Variants in SERGEF observed in about 807,000 individuals in gnomAD.
SERGEF encodes secretion-regulating guanine nucleotide exchange factor.
A neutral mutation model predicts 50.0 loss-of-function variants in SERGEF; 51 were observed. The ratio of observed to expected loss-of-function variants is 1.02; its 90% CI spans 0.81 to 1.29. The LOEUF (loss-of-function observed/expected upper bound fraction) is 1.29. SERGEF is among the 50% of genes most tolerant of loss of function. The pLI is 0.00. For missense variants in SERGEF, 521 were observed against 557.0 expected (o/e 0.94, Z 0.65); for synonymous variants, 205 against 212.4 (o/e 0.97, Z 0.30).
At chr11:17,870,034 C>T (rs959863046) in intron 10 of SERGEF, among the ~76,000 whole-genome samples, 9 of 152,166 alleles carry the variant, frequency 5.9e-5, no homozygotes, top group South Asian at 4.1e-4. Flanking sequence ...TTCCCCCATG[C>T]TGTTCTTGTG....
chr11:17,846,241 C>A (rs1187731930), intron 10 of SERGEF, among the ~76,000 whole-genome samples: 1 of 152,204 alleles, frequency 6.6e-6, no homozygotes, highest in Non-Finnish European at 1.5e-5. Context: ...TTACTGCATT[C>A]TGTTAACAAG....
intron 8 of SERGEF, 124 bp from the exon 9 acceptor site, chr11:17,959,760 T>C: frequency 1.2e-6 from 1 of 813,450 alleles, no homozygotes; most frequent in Non-Finnish European, 1.9e-6. Flanking sequence ...CCTTCCTATC[T>C]TCCTGTAAAG....
intron 10 of SERGEF, among the ~76,000 whole-genome samples, chr11:17,794,410 C>T (rs1459508226): frequency 1.3e-5 from 2 of 152,162 alleles, no homozygotes; most frequent in Admixed American, 1.3e-4. Flanking sequence ...TTAATTTCCA[C>T]GGCAACCCTC....
chr11:17,932,661 A>T (rs529231874), intron 9 of SERGEF, among the ~76,000 whole-genome samples: 13 of 152,256 alleles, frequency 8.5e-5, no homozygotes, highest in Non-Finnish European at 1.5e-4. Flanking sequence ...AGCCTCTGCC[A>T]CCAGGTGGTG....
intron 10 of SERGEF, among the ~76,000 whole-genome samples, chr11:17,819,810 G>A (rs1391389322): frequency 6.6e-6 from 1 of 152,202 alleles, no homozygotes; most frequent in African/African-American, 2.4e-5. Flanking sequence ...AAAACTCTAC[G>A]ATGGTAAAGC....
chr11:18,010,060 T>C lies in SERGEF; in HGVS notation c.61-1984A>G, dbSNP rs190062272. On this transcript the variant is annotated intron_variant, in intron 1 of 10. Coordinates refer to ENST00000265965, the MANE Select transcript of SERGEF (RefSeq NM_012139.4). ...TAAGATTTCAGAAATCTTTATAATT[T>C]ATTCAAGTACCTACTCCTAGCTGGT... 4.4e-5 allele frequency: 48 copies of C among 1,093,412 alleles called. No individual in the cohort carries two copies. The Middle Eastern group carries it at 1.9e-3, about 43-fold the overall frequency. The allele number at this position is 1,093,412 out of a possible 1,614,324, so 67.7% of individuals were successfully genotyped here. A position where few individuals can be genotyped will look rare whatever the true frequency, so the allele number is the denominator to read the frequency against.
chr11:17,995,748 A>G, intron 6 of SERGEF, 48 bp downstream of exon 6: 2 of 1,287,106 alleles, frequency 1.6e-6, no homozygotes, highest in Non-Finnish European at 2.2e-6. Flanking sequence ...TTATGTCTCT[A>G]CTTCCTGACA....
At chr11:17,902,621 C>A (rs1487513625) in intron 9 of SERGEF, among the ~76,000 whole-genome samples, 1 of 152,180 alleles carries the variant, frequency 6.6e-6, no homozygotes, top group Non-Finnish European at 1.5e-5. Flanking sequence ...AGCACATGTA[C>A]AAAGAACATA....
At chr11:17,993,569 T>A (rs1373602573) in intron 6 of SERGEF, among the ~76,000 whole-genome samples, 3 of 152,200 alleles carry the variant, frequency 2.0e-5, no homozygotes, top group African/African-American at 4.8e-5. Context: ...TTTTCCTTCC[T>A]TAATTACACT....
chr11:17,871,305 CA>C (rs1201853143), intron 10 of SERGEF, among the ~76,000 whole-genome samples: 2 of 151,674 alleles, frequency 1.3e-5, no homozygotes, highest in Non-Finnish European at 2.9e-5. Context: ...CTAAAAAATA[CA>C]AAAAATTAGC....
chr11:17,893,341 A>C (rs564289946), intron 9 of SERGEF, among the ~76,000 whole-genome samples: 2 of 152,318 alleles, frequency 1.3e-5, no homozygotes, highest in East Asian at 3.9e-4. Context: ...TTGCTTCTTC[A>C]TTGTAAAATG....
intron 6 of SERGEF, 88 bp from the exon 7 acceptor site, chr11:17,993,081 G>A (rs545049472): frequency 6.9e-5 from 75 of 1,080,924 alleles, no homozygotes; most frequent in South Asian, 5.0e-4. Context: ...CCACCTGGGC[G>A]TGGGAGAGAC....
chr11:17,892,560 C>T (rs1013729255), intron 9 of SERGEF, among the ~76,000 whole-genome samples: 2 of 152,122 alleles, frequency 1.3e-5, no homozygotes, highest in Admixed American at 6.5e-5. Context: ...AACTGTTTCT[C>T]GTAGTAGAAC....
chr11:17,924,918 ACAGGCC>A (rs1852222420), intron 9 of SERGEF, among the ~76,000 whole-genome samples: 1 of 152,154 alleles, frequency 6.6e-6, no homozygotes, highest in Non-Finnish European at 1.5e-5. Flanking sequence ...GACCGCATGA[ACAGGCC>A]CAGAGGTCAC....
intron 9 of SERGEF, among the ~76,000 whole-genome samples, chr11:17,920,755 G>C (rs556910749): frequency 1.3e-5 from 2 of 152,310 alleles, no homozygotes; most frequent in South Asian, 2.1e-4. Context: ...GCCTGGAAGG[G>C]AGCAGGTCTA....
intron 10 of SERGEF, among the ~76,000 whole-genome samples, chr11:17,817,579 T>C (rs918570931): frequency 1.3e-5 from 2 of 152,176 alleles, no homozygotes; most frequent in African/African-American, 4.8e-5. Flanking sequence ...ATTACACCCA[T>C]TTTACAGACA....
chr11:17,961,091 C>T (rs796094903), intron 8 of SERGEF, among the ~76,000 whole-genome samples: 19 of 152,266 alleles, frequency 1.2e-4, no homozygotes, highest in African/African-American at 4.6e-4. Context: ...TGTGAGCCAC[C>T]TTTATCATTG....
chr11:17,897,934 G>T (rs538652872), intron 9 of SERGEF, among the ~76,000 whole-genome samples: 1 of 152,086 alleles, frequency 6.6e-6, no homozygotes, highest in African/African-American at 2.4e-5. Context: ...GTTGGTAAAC[G>T]GTCTATCAAA....
intron 10 of SERGEF, among the ~76,000 whole-genome samples, chr11:17,829,399 C>T (rs1241942347): frequency 6.6e-6 from 1 of 152,178 alleles, no homozygotes; most frequent in African/African-American, 2.4e-5. Flanking sequence ...GTTTGTGGAC[C>T]ACCTTTTGAC....
Sources: gnomAD v4.1 joint callset for allele counts (sites outside exome capture counted in the v4.1 genomes callset) on GRCh38, gnomAD v4.1.1 for gene constraint, MANE v1.5 for transcripts, NCBI Gene and HGNC (gene_info 2026-07-23, HGNC 2026-07-21) for gene names.